COL18A1: variants seen among roughly 807,000 people sequenced by gnomAD.
The protein encoded by COL18A1 is collagen alpha-1(XVIII) chain.
A neutral mutation model predicts 168.0 loss-of-function variants in COL18A1; 133 were observed. That is an observed-to-expected ratio of 0.79 (90% CI 0.69 to 0.91). The LOEUF (loss-of-function observed/expected upper bound fraction) is 0.91. Among genes scored for constraint, COL18A1 ranks in the 40% least tolerant of loss-of-function variants. COL18A1 has a pLI of 0.00. For missense variants in COL18A1, 2,126 were observed against 1,925.4 expected (o/e 1.10, Z -1.95); for synonymous variants, 949 against 809.0 (o/e 1.17, Z -2.94).
intron 2 of COL18A1, among the ~76,000 whole-genome samples, chr21:45,450,814 C>T (rs2034603939): frequency 6.6e-6 from 1 of 152,222 alleles, no homozygotes; most frequent in Admixed American, 6.5e-5. Context: ...CCGGTGTGCC[C>T]ACCCTGCACC....
At chr21:45,479,991 C>T in intron 10 of COL18A1, 27 bp downstream of exon 10, 1 of 1,613,804 alleles carries the variant, frequency 6.2e-7, no homozygotes, top group South Asian at 1.1e-5. Flanking sequence ...GGGTGGGGCC[C>T]CTTCCTGTGT....
At chr21:45,408,603 G>T (rs1238642703) in intron 2 of COL18A1, 1 of 152,316 alleles carries the variant, frequency 6.6e-6, no homozygotes, top group Non-Finnish European at 1.5e-5. Flanking sequence ...GGTAGAAGCT[G>T]CAGCCTGCAG....
rs1399821523 is a variant in COL18A1, at chr21:45,512,371, G to A, written c.3993G>A (p.Glu1331=). The change falls in exon 42 of 42, where the codon GAG becomes GAA. Residue 1331 remains glutamate, a synonymous_variant. Coordinates refer to ENST00000651438, the MANE Select transcript of COL18A1 (RefSeq NM_001379500.1). The stretch of plus-strand genomic sequence containing the variant: ...ACGCCTACATCGTGCTCTGCATTGA[G>A]AACAGCTTCATGACTGCCTCCAAGT... ...CHHAYIVLCI[E]NSFMTASK 2 of 1,612,630 alleles carry A rather than the reference G, an allele frequency of 1.2e-6. No homozygotes were observed. Among genetic ancestry groups the A allele is most frequent in the South Asian group, 2.2e-5 (2 of 91,046 alleles).
At chr21:45,452,657 T>A (rs1204628853) in intron 2 of COL18A1, among the ~76,000 whole-genome samples, 1 of 152,072 alleles carries the variant, frequency 6.6e-6, no homozygotes, top group African/African-American at 2.4e-5. Context: ...AGCTTGTGTA[T>A]GCATGTATTC....
In COL18A1 at chr21:45,498,138, A is replaced by G. The variant is rs753284469; in HGVS notation, c.2683+477A>G. ...GGACAAGAATTCCCCCCTGAGCCCCACCTCCATTGAGGGTGGCAGGGCTGC... is the reference window on the plus strand; with the variant it reads ...GGACAAGAATTCCCCCCTGAGCCCCGCCTCCATTGAGGGTGGCAGGGCTGC... On this transcript the variant is annotated intron_variant, in intron 32 of 41. Coordinates refer to ENST00000651438, the MANE Select transcript of COL18A1 (RefSeq NM_001379500.1). The surrounding 1 kb of genome is among the most constrained non-coding windows in gnomAD (Gnocchi z 4.5). The G allele has an allele frequency of 1.4e-4, 87 of 643,510 alleles. 1 individual carries two copies. The highest frequency in any genetic ancestry group is 2.8e-4 in the Middle Eastern group (1 of 3,630). The allele number at this position is 643,510 out of a possible 1,614,324, so 39.9% of individuals were successfully genotyped here. A position where few individuals can be genotyped will look rare whatever the true frequency, so the allele number is the denominator to read the frequency against.
Position 45,492,728 on chromosome 21 carries a change from G to A in COL18A1, c.2214+15G>A, listed in dbSNP as rs368257475. 6.1e-5 allele frequency: 85 copies of A among 1,383,854 alleles called. No homozygotes were observed. The highest frequency in any genetic ancestry group is 8.1e-5 in the Non-Finnish European group (81 of 1,004,582). 85.7% of individuals were successfully genotyped at this position (1,383,854 alleles called of 1,614,324 possible). ...CAGGCTTTCCCGTGAGTAACCTGGT[G>A]CCAGAGCTGCATGCTGCCCGGCTGG... On this transcript the variant is annotated intron_variant, in intron 24 of 41. Transcript: ENST00000651438.
intron 11 of COL18A1, 82 bp from the exon 12 acceptor site, chr21:45,480,385 C>T: frequency 2.5e-6 from 4 of 1,611,422 alleles, no homozygotes; most frequent in African/African-American, 1.3e-5. Context: ...GCTCGATATG[C>T]AGCTTGCGGG....
chr21:45,406,056 GC>G (rs1425762819), intron 2 of COL18A1, among the ~76,000 whole-genome samples: 1 of 152,030 alleles, frequency 6.6e-6, no homozygotes, highest in Non-Finnish European at 1.5e-5. Context: ...ATGCCCAGAA[GC>G]CGCTGCCCCG....
At chr21:45,505,086 G>A (rs931937210) in intron 34 of COL18A1, 48 bp from the exon 35 acceptor site, 11 of 1,592,048 alleles carry the variant, frequency 6.9e-6, no homozygotes, top group East Asian at 2.3e-5. Context: ...CCCGCCCCCA[G>A]TCCAGGGCAC....
intron 11 of COL18A1, 102 bp downstream of exon 11, chr21:45,480,258 G>A (rs1247942719): frequency 3.0e-5 from 34 of 1,141,058 alleles, no homozygotes; most frequent in Middle Eastern, 2.0e-4. Flanking sequence ...AGGGGCTTGC[G>A]TGGGGTCTTG....
intron 2 of COL18A1, among the ~76,000 whole-genome samples, chr21:45,409,367 G>C (rs1456072789): frequency 6.6e-6 from 1 of 152,196 alleles, no homozygotes; most frequent in African/African-American, 2.4e-5. Context: ...ATGATATTTG[G>C]TACATTTTGA....
chr21:45,422,798 T>G (rs200571781), intron 2 of COL18A1: 7,061 of 215,546 alleles, frequency 0.033, 408 homozygotes, highest in East Asian at 0.19. Flanking sequence ...GTGGCTTTTT[T>G]TTTTTTGAGA....
At chr21:45,426,061 G>C (rs962677025) in intron 2 of COL18A1, among the ~76,000 whole-genome samples, 1 of 152,142 alleles carries the variant, frequency 6.6e-6, no homozygotes, top group African/African-American at 2.4e-5. Flanking sequence ...GCCTGGCTGG[G>C]GCGTAAGTGA....
intron 2 of COL18A1, chr21:45,420,538 C>G (rs1057475320): frequency 1.3e-5 from 2 of 152,280 alleles, no homozygotes; most frequent in Non-Finnish European, 2.9e-5. Context: ...CCTCCTTCAT[C>G]CCTGCTGTCA....
At chr21:45,500,184 T>TGGGTGTGTAGTGTGGGGGTGTATAGTGG (rs2036697322) in intron 32 of COL18A1, among the ~76,000 whole-genome samples, 1 of 46,870 alleles carries the variant, frequency 2.1e-5, no homozygotes, top group African/African-American at 1.1e-4. Flanking sequence ...GTGTATAGTG[T>TGGGTGTGTAGTGTGGGGGTGTATAGTGG]GGGTGTGTGT....
In COL18A1 at chr21:45,475,466, A is replaced by T; in HGVS notation, c.739-10A>T. 1 of 1,595,172 alleles carries T rather than the reference A, an allele frequency of 6.3e-7. No homozygotes were observed. Among genetic ancestry groups the T allele is most frequent in the Non-Finnish European group, 8.5e-7 (1 of 1,172,448 alleles). On this transcript the variant is annotated splice_polypyrimidine_tract_variant and intron_variant, in intron 4 of 41. Coordinates refer to ENST00000651438, the MANE Select transcript of COL18A1 (RefSeq NM_001379500.1). ...CATCTCTCCAGCCTTTCCCTTTTCAAACTCCTCAGGCATCCGGAGACTCTG... is the reference window on the plus strand; with the variant it reads ...CATCTCTCCAGCCTTTCCCTTTTCATACTCCTCAGGCATCCGGAGACTCTG...
rs763139153 is a variant in COL18A1, at chr21:45,498,414, CCT to C, written c.2683+757_2683+758del. On this transcript the variant is annotated intron_variant, in intron 32 of 41. Coordinates refer to ENST00000651438, the MANE Select transcript of COL18A1 (RefSeq NM_001379500.1). This position sits in a 1 kb window ranked among gnomAD's most constrained non-coding sequence, Gnocchi z 4.5. Reference sequence around the variant, plus strand: ...GGGTCCCCTCTCGCCGCCAGGGTCCCCTCTCGCCGCCACGGTCCCCTCTCGCC... The same window carrying C: ...GGGTCCCCTCTCGCCGCCAGGGTCCCCTCGCCGCCACGGTCCCCTCTCGCC... 1.5e-6 allele frequency: 1 copy of C among 683,786 alleles called. No homozygotes were observed. The highest frequency in any genetic ancestry group is 1.5e-5 in the South Asian group (1 of 66,362). The allele number at this position is 683,786 out of a possible 1,614,324, so 42.4% of individuals were successfully genotyped here.
intron 2 of COL18A1, among the ~76,000 whole-genome samples, chr21:45,414,079 A>AG (rs1037741184): frequency 2.0e-5 from 3 of 152,078 alleles, no homozygotes; most frequent in African/African-American, 7.2e-5. Flanking sequence ...CGGGAGGAGG[A>AG]GGGGGAGGCC....
chr21:45,450,353 G>A (rs1420817088), intron 2 of COL18A1, among the ~76,000 whole-genome samples: 1 of 152,162 alleles, frequency 6.6e-6, no homozygotes, highest in African/African-American at 2.4e-5. Context: ...GTCGAGGTGT[G>A]GGAGACCCGC....
Sources: allele counts gnomAD v4.1 joint callset (sites outside exome capture counted in the v4.1 genomes callset), GRCh38; gene constraint gnomAD v4.1.1; non-coding constraint Gnocchi (gnomAD v3.1); transcripts MANE v1.5; gene names NCBI Gene and HGNC (gene_info 2026-07-23, HGNC 2026-07-21).